Variants in SYNE1 observed in about 807,000 individuals in gnomAD.
The protein encoded by SYNE1 is nesprin-1.
Under a neutral mutation model 1,111.0 loss-of-function variants are expected in SYNE1, and 616 were observed. The observed-to-expected ratio is 0.55, with a 90% confidence interval of 0.52 to 0.59. The LOEUF is 0.59. Ranked by LOEUF, SYNE1 falls within the 20% of genes least tolerant of loss-of-function variation. The pLI, the probability that SYNE1 is intolerant of heterozygous loss-of-function variation, is 0.00. For synonymous variants in SYNE1, 3,855 were observed against 3,825.8 expected (o/e 1.01, Z -0.28); for missense variants, 10,006 against 10,417.0 (o/e 0.96, Z 1.72).
intron 93 of SYNE1, among the ~76,000 whole-genome samples, chr6:152,298,622 C>G (rs1027075707): frequency 6.6e-6 from 1 of 151,680 alleles, no homozygotes; most frequent in Non-Finnish European, 1.5e-5. Context: ...CTCCCTGAAA[C>G]AGCTGTACAC....
At chr6:152,165,025 T>G (rs1023308461) in intron 130 of SYNE1, among the ~76,000 whole-genome samples, 2 of 152,216 alleles carry the variant, frequency 1.3e-5, no homozygotes, top group Admixed American at 1.3e-4. Context: ...CAATAGAATG[T>G]TCTCAAAGAT....
chr6:152,155,085 T>C, intron 132 of SYNE1, 43 bp from the exon 133 acceptor site: 1 of 1,613,106 alleles, frequency 6.2e-7, no homozygotes, highest in East Asian at 2.2e-5. Flanking sequence ...TATTGGAGAC[T>C]GTTTTCGCTC....
At chr6:152,361,766 T>A (rs1339002644) in intron 64 of SYNE1, among the ~76,000 whole-genome samples, 1 of 151,616 alleles carries the variant, frequency 6.6e-6, no homozygotes, top group Non-Finnish European at 1.5e-5. Context: ...TTTATTTATT[T>A]AAAAAAATCT....
chr6:152,210,847 A>G (rs1006162498), intron 124 of SYNE1, among the ~76,000 whole-genome samples: 21 of 144,432 alleles, frequency 1.5e-4, no homozygotes, highest in African/African-American at 4.9e-4. Flanking sequence ...TCCATTTTTA[A>G]TAAAGAGATA....
chr6:152,632,966 T>C (rs932394872), intron 2 of SYNE1, among the ~76,000 whole-genome samples: 1 of 152,012 alleles, frequency 6.6e-6, no homozygotes, highest in Non-Finnish European at 1.5e-5. Context: ...CCAAAACCAA[T>C]AGCAGCACAA....
chr6:152,284,134 G>A lies in SYNE1; in HGVS notation c.18051C>T (p.Ile6017=), dbSNP rs2094187899. The change falls in exon 96 of 146, where the codon ATC becomes ATT. Residue 6017 remains isoleucine, a synonymous_variant. Coordinates refer to ENST00000367255, the MANE Select transcript of SYNE1 (RefSeq NM_182961.4). ...CTGCGAGAGAGGACTGGAGCTCATT[G>A]ATTTCATCCTGGAGCATGAGAATCT... is the stretch of plus-strand genomic sequence containing the variant. ...MDEILMLQDE[I]NELQSSLAEE... is the part of the protein sequence containing the mutation. 6.2e-7 allele frequency: 1 copy of A among 1,614,178 alleles called. No individual in the cohort carries two copies. Among genetic ancestry groups the A allele is most frequent in the Non-Finnish European group, 8.5e-7 (1 of 1,180,036 alleles).
intron 4 of SYNE1, among the ~76,000 whole-genome samples, chr6:152,530,632 T>TG (rs2099192936): frequency 6.6e-6 from 1 of 151,616 alleles, no homozygotes; most frequent in Admixed American, 6.6e-5. Context: ...AATTTTTTTT[T>TG]TTTTTTTGAG....
chr6:152,177,605 C>T (rs1423440097), intron 129 of SYNE1, among the ~76,000 whole-genome samples: 1 of 152,180 alleles, frequency 6.6e-6, no homozygotes, highest in Non-Finnish European at 1.5e-5. Flanking sequence ...AAACTTTATT[C>T]CATTCCAGGG....
intron 74 of SYNE1, among the ~76,000 whole-genome samples, chr6:152,340,256 G>A (rs909347655): frequency 6.6e-6 from 1 of 152,176 alleles, no homozygotes; most frequent in African/African-American, 2.4e-5. Context: ...CAAATGCAAA[G>A]CCCTGAGGCT....
At chr6:152,328,873 G>A (rs1014058551) in intron 78 of SYNE1, among the ~76,000 whole-genome samples, 4 of 152,144 alleles carry the variant, frequency 2.6e-5, no homozygotes, top group African/African-American at 9.7e-5. Context: ...AGGGAAGCAG[G>A]AGAAGGACAG....
chr6:152,595,382 T>C (rs1433319582), intron 3 of SYNE1, among the ~76,000 whole-genome samples: 2 of 152,208 alleles, frequency 1.3e-5, no homozygotes, highest in African/African-American at 2.4e-5. Flanking sequence ...TTCAATTTAT[T>C]GCAAGAACCT....
At chr6:152,363,739 A>G (rs1167040364) in intron 63 of SYNE1, 1 of 455,068 alleles carries the variant, frequency 2.2e-6, no homozygotes, top group Admixed American at 2.3e-5. Context: ...ATGTACTCTC[A>G]GTTTGAGGGC....
At chr6:152,596,195 C>G (rs1366429861) in intron 3 of SYNE1, among the ~76,000 whole-genome samples, 1 of 146,184 alleles carries the variant, frequency 6.8e-6, no homozygotes, top group Non-Finnish European at 1.5e-5. Context: ...ACTTTAAGGC[C>G]AATTTTACAT....
intron 62 of SYNE1, 180 bp downstream of exon 62, chr6:152,367,038 G>C: frequency 1.3e-6 from 1 of 767,082 alleles, no homozygotes; most frequent in Non-Finnish European, 2.3e-6. Flanking sequence ...AACATCCGGG[G>C]TCAGATGATT....
chr6:152,288,126 GTT>G (rs10591944), intron 95 of SYNE1, among the ~76,000 whole-genome samples: 27,770 of 146,442 alleles, frequency 0.19, 3,128 homozygotes, highest in East Asian at 0.46. Flanking sequence ...TTATGTCTTT[GTT>G]TTTTTTTTTT....
intron 42 of SYNE1, among the ~76,000 whole-genome samples, chr6:152,411,285 A>G (rs1332628838): frequency 6.6e-6 from 1 of 152,194 alleles, no homozygotes; most frequent in African/African-American, 2.4e-5. Context: ...TTCAGCCTGT[A>G]CCACACTGAA....
chr6:152,539,091 A>G (rs2099257574), intron 4 of SYNE1, among the ~76,000 whole-genome samples: 1 of 152,196 alleles, frequency 6.6e-6, no homozygotes, highest in South Asian at 2.1e-4. Flanking sequence ...GGCTTTACAT[A>G]CTACAGGCAC....
chr6:152,350,661 T>A lies in SYNE1; in HGVS notation c.11690A>T (p.Asp3897Val). The A allele has an allele frequency of 6.2e-7, 1 of 1,614,140 alleles. No individual in the cohort carries two copies. Among genetic ancestry groups the A allele is most frequent in the Non-Finnish European group, 8.5e-7 (1 of 1,180,010 alleles). ...GTCCTGGTAATCACTTTGAAGTTGA[T>A]CTATTTTGTCCTTTAAAGTGACGTC... ...VQDVTLKDKI[D>V]QLQSDYQDLC... The change falls in exon 71 of 146, where the codon GAT (aspartate) becomes GTT (valine). Residue 3897 changes from aspartate to valine, a missense_variant. Physicochemically the swap from Asp to Val is radical, Grantham distance 152. Around this residue, in one of 7 missense-constraint regions of SYNE1, gnomAD observed 4,955 missense variants for 5,017.2 expected, o/e 0.99. Coordinates refer to ENST00000367255, the MANE Select transcript of SYNE1 (RefSeq NM_182961.4).
chr6:152,273,730 T>C (rs1201566412), intron 98 of SYNE1, among the ~76,000 whole-genome samples: 1 of 152,226 alleles, frequency 6.6e-6, no homozygotes, highest in Non-Finnish European at 1.5e-5. Flanking sequence ...CAATGCCACT[T>C]GTAAATTCTT....
Sources: allele counts gnomAD v4.1 joint callset (sites outside exome capture counted in the v4.1 genomes callset), GRCh38; gene constraint gnomAD v4.1.1; regional missense constraint gnomAD v4.1.1; transcripts MANE v1.5; gene names NCBI Gene and HGNC (gene_info 2026-07-23, HGNC 2026-07-21).